SRGAP1: variants seen among roughly 807,000 people sequenced by gnomAD.
The protein encoded by SRGAP1 is SLIT-ROBO Rho GTPase activating protein 1.
SRGAP1 carries 43 observed loss-of-function variants against 121.9 expected under a neutral mutation model. The ratio of observed to expected loss-of-function variants is 0.35; its 90% CI spans 0.28 to 0.46. The LOEUF (loss-of-function observed/expected upper bound fraction) is 0.46. Ranked by LOEUF, SRGAP1 falls within the 20% of genes least tolerant of loss-of-function variation. SRGAP1 has a pLI of 1.00. For synonymous variants in SRGAP1, 447 were observed against 485.4 expected (o/e 0.92, Z 1.04); for missense variants, 1,102 against 1,350.9 (o/e 0.82, Z 2.89).
rs542781575 is a variant in SRGAP1, at chr12:63,863,860, T to C, written c.67+18977T>C. On this transcript the variant is annotated intron_variant, in intron 1 of 21. Coordinates refer to ENST00000355086, the MANE Select transcript of SRGAP1 (RefSeq NM_020762.4). ...GTGCAGCCACATGGTGGAAGATTTATGGACAGAAAAGGGAAAGTGATGTAT... is the reference window on the plus strand; with the variant it reads ...GTGCAGCCACATGGTGGAAGATTTACGGACAGAAAAGGGAAAGTGATGTAT... 3.9e-4 allele frequency among the ~76,000 whole-genome samples: 59 copies of C among 152,300 alleles called. No homozygotes were observed. The Middle Eastern group carries it at 0.01, about 26-fold the overall frequency.
intron 15 of SRGAP1, among the ~76,000 whole-genome samples, chr12:64,102,374 T>C (rs1202555358): frequency 6.6e-6 from 1 of 152,264 alleles, no homozygotes; most frequent in Non-Finnish European, 1.5e-5. Flanking sequence ...CTACAGTACC[T>C]ATGTACTTTG....
chr12:63,948,640 A>T (rs1007423545), intron 1 of SRGAP1, among the ~76,000 whole-genome samples: 2 of 151,722 alleles, frequency 1.3e-5, no homozygotes, highest in East Asian at 3.9e-4. Context: ...GCCATGTTGT[A>T]CCTATTTTTA....
chr12:64,127,671 A>T lies in SRGAP1; in HGVS notation c.2487A>T (p.Ser829=), dbSNP rs2036715472. Reference sequence around the variant, plus strand: ...GGCCAGTCACGGAAGACAAGTCCTCATCCAAGGACATGAACTCCCCGACAG... The same window carrying T: ...GGCCAGTCACGGAAGACAAGTCCTCTTCCAAGGACATGAACTCCCCGACAG... ...SSGPVTEDKS[S]SKDMNSPTDR... The change falls in exon 20 of 22, where the codon TCA becomes TCT. Residue 829 remains serine (S), a synonymous_variant. Transcript: ENST00000355086. 3 of 1,614,032 alleles carry T rather than the reference A, an allele frequency of 1.9e-6. No homozygotes were observed. The highest frequency in any genetic ancestry group is 2.5e-6 in the Non-Finnish European group (3 of 1,180,018).
Position 63,921,821 on chromosome 12 carries a change from T to G in SRGAP1, c.68-62126T>G, listed in dbSNP as rs2031058948. ...GGATTGCTCAAATATCTGAATTGAT[T>G]TTATAGGCCTTTCTAAGAGAAATAC... On this transcript the variant is annotated intron_variant, in intron 1 of 21. Coordinates refer to ENST00000355086, the MANE Select transcript of SRGAP1 (RefSeq NM_020762.4). Among the ~76,000 whole-genome samples the G allele has an allele frequency of 1.3e-5, 2 of 152,308 alleles. 1 individual carries two copies. The highest frequency in any genetic ancestry group is 1.3e-4 in the Admixed American group (2 of 15,294).
At chr12:64,043,919 C>G (rs375347112) in intron 6 of SRGAP1, among the ~76,000 whole-genome samples, 83 of 152,218 alleles carry the variant, frequency 5.5e-4, no homozygotes, top group African/African-American at 2.0e-3. Context: ...TTTATTGGGC[C>G]CCCACTACTG....
Position 64,145,868 on chromosome 12 carries a change from T to G in SRGAP1, c.*3196T>G, listed in dbSNP as rs528998425. On this transcript the variant is annotated 3_prime_UTR_variant, in exon 22 of 22. Coordinates refer to ENST00000355086, the MANE Select transcript of SRGAP1 (RefSeq NM_020762.4). ...TCTGCCCCCAATTTCAAGGAGCTTA[T>G]CAGGCTTCATGTGCAATTTGGGGAG... is the stretch of plus-strand genomic sequence containing the variant. The G allele has an allele frequency of 6.6e-6, 1 of 152,276 alleles. No individual in the cohort carries two copies. The highest frequency in any genetic ancestry group is 2.4e-5 in the African/African-American group (1 of 41,548). The allele number at this position is 152,276 out of a possible 1,614,324, so 9.4% of individuals were successfully genotyped here.
chr12:63,904,209 A>C (rs1031002340), intron 1 of SRGAP1, among the ~76,000 whole-genome samples: 2 of 152,112 alleles, frequency 1.3e-5, no homozygotes, highest in African/African-American at 4.8e-5. Flanking sequence ...CAACTCCCCA[A>C]GTTTTAACTG....
In SRGAP1 at chr12:63,940,310, C is replaced by G. The variant is rs529478850; in HGVS notation, c.68-43637C>G. 1.5e-3 allele frequency among the ~76,000 whole-genome samples: 224 copies of G among 151,920 alleles called. 1 individual carries two copies. Among genetic ancestry groups the G allele is most frequent in the Non-Finnish European group, 2.6e-3 (179 of 67,950 alleles). Reference sequence around the variant, plus strand: ...GAATTTCTTCTCTCCTTCCATCCCCCACTCCATCCTGCCTTTTTCTTTTTC... The same window carrying G: ...GAATTTCTTCTCTCCTTCCATCCCCGACTCCATCCTGCCTTTTTCTTTTTC... On this transcript the variant is annotated intron_variant, in intron 1 of 21. Transcript: ENST00000355086.
intron 1 of SRGAP1, among the ~76,000 whole-genome samples, chr12:63,946,398 T>G (rs1004438581): frequency 2.6e-5 from 4 of 151,876 alleles, no homozygotes; most frequent in Non-Finnish European, 5.9e-5. Flanking sequence ...ACCACTAAGA[T>G]AGTGAACATT....
At chr12:64,079,454 C>A (rs956471842) in intron 9 of SRGAP1, among the ~76,000 whole-genome samples, 20 of 150,352 alleles carry the variant, frequency 1.3e-4, no homozygotes, top group African/African-American at 4.9e-4. Flanking sequence ...CATGGCAAAA[C>A]CCTGTCTCTA....
At chr12:63,998,952 T>C (rs2033795884) in intron 3 of SRGAP1, among the ~76,000 whole-genome samples, 1 of 152,198 alleles carries the variant, frequency 6.6e-6, no homozygotes, top group South Asian at 2.1e-4. Context: ...GCCTTCTCCC[T>C]GCCCCTTGGA....
chr12:63,874,114 T>C (rs946605998), intron 1 of SRGAP1, among the ~76,000 whole-genome samples: 4 of 151,940 alleles, frequency 2.6e-5, no homozygotes, highest in African/African-American at 9.7e-5. Context: ...GAAAGAAAAT[T>C]ATAAGCCACA....
chr12:64,118,754 G>A (rs549419787), intron 18 of SRGAP1, among the ~76,000 whole-genome samples: 8 of 150,214 alleles, frequency 5.3e-5, no homozygotes, highest in Admixed American at 5.3e-4. Flanking sequence ...GATGGAGTCT[G>A]TCTGTCCTCC....
intron 10 of SRGAP1, among the ~76,000 whole-genome samples, chr12:64,084,542 G>A (rs1374438494): frequency 6.6e-6 from 1 of 151,996 alleles, no homozygotes; most frequent in East Asian, 1.9e-4. Flanking sequence ...GACACACTCA[G>A]GACTATTAGC....
intron 10 of SRGAP1, among the ~76,000 whole-genome samples, chr12:64,086,707 T>C (rs1429843488): frequency 1.4e-5 from 2 of 141,328 alleles, no homozygotes; most frequent in African/African-American, 5.3e-5. Context: ...AAGCAGCTAT[T>C]CTTGTTTCTT....
intron 15 of SRGAP1, among the ~76,000 whole-genome samples, chr12:64,107,134 T>G (rs1237366476): frequency 6.6e-6 from 1 of 152,210 alleles, no homozygotes; most frequent in Non-Finnish European, 1.5e-5. Flanking sequence ...TGTCAGCTCA[T>G]TCTTGGTTAA....
chr12:64,135,499 A>G (rs1156707947), intron 21 of SRGAP1, among the ~76,000 whole-genome samples: 4 of 152,098 alleles, frequency 2.6e-5, no homozygotes, highest in Non-Finnish European at 5.9e-5. Flanking sequence ...GGAACAACCA[A>G]CCAGCTTCAC....
intron 1 of SRGAP1, among the ~76,000 whole-genome samples, chr12:63,915,462 A>G (rs1295832772): frequency 2.6e-5 from 4 of 152,246 alleles, no homozygotes; most frequent in African/African-American, 9.6e-5. Context: ...TATGGAATAT[A>G]ATTTGATAAA....
chr12:64,079,129 C>T lies in SRGAP1; in HGVS notation c.1323+13C>T. On this transcript the variant is annotated intron_variant, in intron 9 of 21. Transcript: ENST00000355086. Reference sequence around the variant, plus strand: ...GTTCTACTTCATGGTGTGCCCGCCACTTCCCAAGCCACTCTACAGAGCTCA... The same window carrying T: ...GTTCTACTTCATGGTGTGCCCGCCATTTCCCAAGCCACTCTACAGAGCTCA... 1 of 1,612,542 alleles carries T rather than the reference C, an allele frequency of 6.2e-7. No homozygotes were observed. The highest frequency in any genetic ancestry group is 8.5e-7 in the Non-Finnish European group (1 of 1,179,668).
Sources: gnomAD v4.1 joint callset for allele counts (sites outside exome capture counted in the v4.1 genomes callset) on GRCh38, gnomAD v4.1.1 for gene constraint, MANE v1.5 for transcripts, NCBI Gene and HGNC (gene_info 2026-07-23, HGNC 2026-07-21) for gene names.